The following HYAL4 variants were observed in gnomAD, a reference collection of about 807,000 sequenced individuals.
HYAL4 encodes the protein hyaluronidase-4.
A neutral mutation model predicts 35.2 loss-of-function variants in HYAL4; 37 were observed. That is an observed-to-expected ratio of 1.05 (90% CI 0.81 to 1.38). The LOEUF (loss-of-function observed/expected upper bound fraction) is 1.38. HYAL4 is among the 40% of genes most tolerant of loss of function. The probability of loss-of-function intolerance (pLI) is 0.00; values close to 1 mark genes in which losing one functional copy is unlikely to be tolerated. For synonymous variants in HYAL4, 198 were observed against 203.2 expected (o/e 0.97, Z 0.22); for missense variants, 572 against 572.4 (o/e 1.00, Z 0.01).
At chr7:123,867,763 T>C (rs1476166462) in intron 2 of HYAL4, among the ~76,000 whole-genome samples, 4 of 152,220 alleles carry the variant, frequency 2.6e-5, no homozygotes, top group Non-Finnish European at 5.9e-5. Flanking sequence ...TAAAGTGACA[T>C]CAGGCAAGCC....
the HYAL4 span, among the ~76,000 whole-genome samples, chr7:123,766,872 A>G: frequency 1.3e-5 from 2 of 152,232 alleles, no homozygotes; most frequent in African/African-American, 4.8e-5. Flanking sequence ...ATACAATCAC[A>G]TTAACTATGT....
intron 1 of HYAL4, among the ~76,000 whole-genome samples, chr7:123,830,446 G>T (rs1387300509): frequency 6.6e-6 from 1 of 152,054 alleles, no homozygotes; most frequent in Non-Finnish European, 1.5e-5. Flanking sequence ...CCCAAAGAGG[G>T]CTTATTTCTG....
At chr7:123,875,340 A>G (rs1437924714) in intron 4 of HYAL4, among the ~76,000 whole-genome samples, 2 of 152,292 alleles carry the variant, frequency 1.3e-5, no homozygotes, top group East Asian at 1.9e-4. Flanking sequence ...TTTCCTCTAC[A>G]GAGAAATCAG....
At chr7:123,790,279 T>C in the HYAL4 span, among the ~76,000 whole-genome samples, 3 of 152,198 alleles carry the variant, frequency 2.0e-5, no homozygotes, top group Non-Finnish European at 1.5e-5. Flanking sequence ...TTTTTGCATA[T>C]ATAATCATTA....
chr7:123,772,784 T>G, the HYAL4 span, among the ~76,000 whole-genome samples: 2 of 152,232 alleles, frequency 1.3e-5, no homozygotes, highest in East Asian at 3.9e-4. Context: ...TGATGAAAGC[T>G]GCTTCTGTGC....
the HYAL4 span, among the ~76,000 whole-genome samples, chr7:123,773,522 C>T: frequency 5.9e-5 from 9 of 152,214 alleles, no homozygotes; most frequent in South Asian, 8.3e-4. Flanking sequence ...GAATAACTAC[C>T]GGGTACTTAC....
chr7:123,798,168 C>A, the HYAL4 span, among the ~76,000 whole-genome samples: 1 of 152,154 alleles, frequency 6.6e-6, no homozygotes, highest in South Asian at 2.1e-4. Flanking sequence ...TAATTGGACA[C>A]CTGTCAGCGG....
chr7:123,827,886 AAACTC>A (rs1419166774), upstream of HYAL4, among the ~76,000 whole-genome samples: 1 of 152,206 alleles, frequency 6.6e-6, no homozygotes, highest in African/African-American at 2.4e-5. Context: ...TGCTAATAGA[AAACTC>A]AATTTATGTT....
the HYAL4 span, among the ~76,000 whole-genome samples, chr7:123,776,794 C>T: frequency 6.6e-6 from 1 of 152,140 alleles, no homozygotes; most frequent in Non-Finnish European, 1.5e-5. Flanking sequence ...GCACACACTA[C>T]AGCACTGGCA....
At chr7:123,858,217 A>C (rs1267701044) in intron 2 of HYAL4, among the ~76,000 whole-genome samples, 2 of 152,160 alleles carry the variant, frequency 1.3e-5, no homozygotes, top group African/African-American at 2.4e-5. Flanking sequence ...TATGTGTAGC[A>C]ACCATGTAAG....
chr7:123,772,388 G>A, the HYAL4 span, among the ~76,000 whole-genome samples: 1 of 152,142 alleles, frequency 6.6e-6, no homozygotes, highest in African/African-American at 2.4e-5. Context: ...CTCAATAGGT[G>A]GCAAGAGCAT....
chr7:123,787,497 C>G, the HYAL4 span, among the ~76,000 whole-genome samples: 7 of 152,212 alleles, frequency 4.6e-5, no homozygotes, highest in East Asian at 3.9e-4. Context: ...TTCTCCAAAG[C>G]TTGCAAGGCC....
chr7:123,835,157 G>A lies in HYAL4; in HGVS notation c.-257+6033G>A, dbSNP rs1346129363. ...TTGTGGAATAGTGTCAATAAGTTTG[G>A]TACCACTTCTTTGACTATCTTGTAG... On this transcript the variant is annotated intron_variant, in intron 1 of 4. Coordinates refer to the HYAL4 transcript ENST00000489978. 8.6e-5 allele frequency among the ~76,000 whole-genome samples: 13 copies of A among 152,010 alleles called. No individual in the cohort carries two copies. The East Asian group carries it at 2.1e-3, about 25-fold the overall frequency.
the HYAL4 span, among the ~76,000 whole-genome samples, chr7:123,810,339 C>A: frequency 2.6e-5 from 4 of 151,288 alleles, no homozygotes; most frequent in Non-Finnish European, 4.4e-5. Context: ...AAAAAAAAAA[C>A]CCGTGTTACT....
At chr7:123,815,960 G>A in the HYAL4 span, among the ~76,000 whole-genome samples, 1 of 152,080 alleles carries the variant, frequency 6.6e-6, no homozygotes. Flanking sequence ...CATCTTTGCA[G>A]GATTACTCAG....
chr7:123,865,156 C>T (rs1806657070), intron 2 of HYAL4, among the ~76,000 whole-genome samples: 1 of 151,830 alleles, frequency 6.6e-6, no homozygotes, highest in Admixed American at 6.6e-5. Flanking sequence ...ATGAGGGAGC[C>T]GACCAAAGGG....
At chr7:123,849,737 C>T (rs544757494) in intron 2 of HYAL4, among the ~76,000 whole-genome samples, 6 of 152,016 alleles carry the variant, frequency 3.9e-5, no homozygotes, top group Non-Finnish European at 7.4e-5. Context: ...TATGGTGGAG[C>T]GTGCCTGTAG....
chr7:123,795,544 T>C, the HYAL4 span, among the ~76,000 whole-genome samples: 1 of 152,130 alleles, frequency 6.6e-6, no homozygotes, highest in Non-Finnish European at 1.5e-5. Flanking sequence ...GATAGTGAGT[T>C]CTCACAAGAT....
the HYAL4 span, among the ~76,000 whole-genome samples, chr7:123,771,473 C>A: frequency 6.6e-6 from 1 of 152,134 alleles, no homozygotes; most frequent in Non-Finnish European, 1.5e-5. Context: ...ATGCCAGTAG[C>A]ATCTAGTATC....
Sources: gnomAD v4.1 joint callset for allele counts (sites outside exome capture counted in the v4.1 genomes callset) on GRCh38, gnomAD v4.1.1 for gene constraint, MANE v1.5 for transcripts, NCBI Gene and HGNC (gene_info 2026-07-23, HGNC 2026-07-21) for gene names.